Variants in TBC1D2B observed in about 807,000 individuals in gnomAD.
TBC1D2B encodes TBC1 domain family member 2B, also known as TBC1 domain family, member 2B.
TBC1D2B carries 64 observed loss-of-function variants against 100.8 expected under a neutral mutation model. That is an observed-to-expected ratio of 0.64 (90% CI 0.52 to 0.78). TBC1D2B has a LOEUF of 0.78. Among genes scored for constraint, TBC1D2B ranks in the 30% least tolerant of loss-of-function variants. The probability of loss-of-function intolerance (pLI) is 0.00; values close to 1 mark genes in which losing one functional copy is unlikely to be tolerated. For missense variants in TBC1D2B, 1,052 were observed against 1,218.4 expected (o/e 0.86, Z 2.03); for synonymous variants, 480 against 479.7 (o/e 1.00, Z -0.01).
intron 2 of TBC1D2B, among the ~76,000 whole-genome samples, chr15:78,045,609 G>T (rs1006254957): frequency 3.3e-5 from 5 of 152,224 alleles, no homozygotes; most frequent in African/African-American, 1.2e-4. Context: ...CAAACATACT[G>T]ATGCTAAAGC....
intron 3 of TBC1D2B, among the ~76,000 whole-genome samples, chr15:78,039,551 C>A (rs372606643): frequency 6.6e-6 from 1 of 152,122 alleles, no homozygotes; most frequent in Non-Finnish European, 1.5e-5. Context: ...GAGAAAGGCA[C>A]CCCATCCACC....
rs756977980 is a variant in TBC1D2B, at chr15:78,018,259, T to G, written c.1471-302A>C. ...TAAATATGACATATTCCTAAATCTA[T>G]GCAAATATTTTATCTATCCATATTC... On this transcript the variant is annotated intron_variant, in intron 6 of 12. Coordinates refer to ENST00000300584, the MANE Select transcript of TBC1D2B (RefSeq NM_144572.2). Among the ~76,000 whole-genome samples the G allele has an allele frequency of 4.1e-4, 63 of 152,346 alleles. 1 individual carries two copies. The highest frequency in any genetic ancestry group is 7.9e-4 in the Non-Finnish European group (54 of 68,036).
intron 1 of TBC1D2B, among the ~76,000 whole-genome samples, chr15:78,055,360 T>C (rs1596326721): frequency 6.6e-6 from 1 of 150,788 alleles, no homozygotes; most frequent in East Asian, 1.9e-4. Flanking sequence ...ACAATGAACC[T>C]AAATATAAAT....
intron 3 of TBC1D2B, among the ~76,000 whole-genome samples, chr15:78,035,187 G>A (rs1158915421): frequency 6.6e-6 from 1 of 152,212 alleles, no homozygotes; most frequent in Non-Finnish European, 1.5e-5. Flanking sequence ...CACCTTGTCA[G>A]GGGCAGTGGT....
At chr15:78,019,647 G>C (rs1402201339) in intron 6 of TBC1D2B, among the ~76,000 whole-genome samples, 2 of 151,882 alleles carry the variant, frequency 1.3e-5, no homozygotes, top group African/African-American at 4.8e-5. Context: ...CAGCACTTTG[G>C]GAGGCCAAGG....
chr15:78,007,428 C>T (rs1465145638), intron 10 of TBC1D2B, among the ~76,000 whole-genome samples: 1 of 152,092 alleles, frequency 6.6e-6, no homozygotes, highest in Admixed American at 6.5e-5. Flanking sequence ...TCCAGGCAGG[C>T]GGCAGCACTA....
chr15:78,061,353 G>T (rs189396438), intron 1 of TBC1D2B, among the ~76,000 whole-genome samples: 1 of 151,866 alleles, frequency 6.6e-6, no homozygotes, highest in Non-Finnish European at 1.5e-5. Flanking sequence ...CAGGCAGATC[G>T]CTTGAACCGA....
chr15:78,059,459 A>G (rs546578925), intron 1 of TBC1D2B, among the ~76,000 whole-genome samples: 3 of 152,326 alleles, frequency 2.0e-5, no homozygotes, highest in Non-Finnish European at 2.9e-5. Context: ...ACATGGCTGC[A>G]TGAACGTCCT....
At position 77,999,052 on chromosome 15, in the gene TBC1D2B, T is replaced by C; in HGVS notation, c.2697-697A>G. ...CAAAAGCTGTCCTGAGGCCTGGCTATGGATTTGTAGCACTAATGGGTCAGC... is the reference window on the plus strand; with the variant it reads ...CAAAAGCTGTCCTGAGGCCTGGCTACGGATTTGTAGCACTAATGGGTCAGC... On this transcript the variant is annotated intron_variant, in intron 12 of 12. Coordinates refer to ENST00000300584, the MANE Select transcript of TBC1D2B (RefSeq NM_144572.2). The C allele has an allele frequency of 1.2e-5, 3 of 249,008 alleles. No individual in the cohort carries two copies. The South Asian group carries it at 1.2e-4, about 10-fold the overall frequency. The allele number at this position is 249,008 out of a possible 1,614,324, so 15.4% of individuals were successfully genotyped here. A position where few individuals can be genotyped will look rare whatever the true frequency, so the allele number is the denominator to read the frequency against.
intron 6 of TBC1D2B, 124 bp from the exon 7 acceptor site, chr15:78,018,081 T>C (rs950692889): frequency 1.9e-6 from 1 of 532,950 alleles, no homozygotes; most frequent in Non-Finnish European, 3.2e-6. Flanking sequence ...GAGTAAGTTC[T>C]AAAGAACTAG....
chr15:78,067,868 G>A (rs1478360708), intron 1 of TBC1D2B, among the ~76,000 whole-genome samples: 2 of 152,238 alleles, frequency 1.3e-5, no homozygotes, highest in Non-Finnish European at 2.9e-5. Context: ...CTAAGTCTTT[G>A]AGCAGCTACA....
rs762604929 is a variant in TBC1D2B, at chr15:77,998,368, A to G, written c.2697-13T>C. ...ACTGATCAGCTTCCTGGCAGGACGCAGGGGAGAGACAAGAGAATCAGCGGC... is the reference window on the plus strand; with the variant it reads ...ACTGATCAGCTTCCTGGCAGGACGCGGGGGAGAGACAAGAGAATCAGCGGC... On this transcript the variant is annotated splice_polypyrimidine_tract_variant and intron_variant, in intron 12 of 12. Transcript: ENST00000300584. The G allele has an allele frequency of 2.6e-5, 40 of 1,558,428 alleles. No individual in the cohort carries two copies. Among genetic ancestry groups the G allele is most frequent in the Non-Finnish European group, 3.5e-5 (40 of 1,151,278 alleles).
intron 3 of TBC1D2B, among the ~76,000 whole-genome samples, chr15:78,041,972 C>G (rs1310665080): frequency 6.6e-6 from 1 of 152,188 alleles, no homozygotes; most frequent in Non-Finnish European, 1.5e-5. Flanking sequence ...AACGGAGGCA[C>G]AGAATATTAA....
Position 78,054,089 on chromosome 15 carries a change from C to T in TBC1D2B, c.459G>A (p.Arg153=). The change falls in exon 2 of 13, where the codon AGG becomes AGA. Residue 153 remains arginine, a synonymous_variant. Transcript: ENST00000300584. ...NSLDMVKWDS[R]TSPTPGDFPK... ...GAAAATCCCCGGGAGTTGGAGAGGTCCTGCTGTCCCACTTGACCATGTCAA... is the reference window on the plus strand; with the variant it reads ...GAAAATCCCCGGGAGTTGGAGAGGTTCTGCTGTCCCACTTGACCATGTCAA... 1 of 1,613,858 alleles carries T rather than the reference C, an allele frequency of 6.2e-7. No individual in the cohort carries two copies. Among genetic ancestry groups the T allele is most frequent in the Non-Finnish European group, 8.5e-7 (1 of 1,179,832 alleles).
At chr15:78,065,270 A>C (rs902116886) in intron 1 of TBC1D2B, among the ~76,000 whole-genome samples, 1 of 152,252 alleles carries the variant, frequency 6.6e-6, no homozygotes, top group African/African-American at 2.4e-5. Flanking sequence ...AACTAAGGGT[A>C]ATGGACTAGA....
At chr15:78,074,589 G>C (rs2073797992) in intron 1 of TBC1D2B, among the ~76,000 whole-genome samples, 1 of 152,126 alleles carries the variant, frequency 6.6e-6, no homozygotes, top group Non-Finnish European at 1.5e-5. Flanking sequence ...AACAGGAGAA[G>C]CCCTGAGGCA....
At chr15:78,003,593 G>A in intron 10 of TBC1D2B, 103 bp from the exon 11 acceptor site, 1 of 804,426 alleles carries the variant, frequency 1.2e-6, no homozygotes, top group Non-Finnish European at 2.0e-6. Flanking sequence ...GAGCCCAAGT[G>A]ACAGCAGCAC....
intron 4 of TBC1D2B, among the ~76,000 whole-genome samples, chr15:78,026,778 G>GT (rs1567021048): frequency 6.6e-6 from 1 of 151,874 alleles, no homozygotes; most frequent in Non-Finnish European, 1.5e-5. Context: ...GTGCATGCCT[G>GT]TAATCCCAGC....
At chr15:78,070,704 CTG>C in intron 1 of TBC1D2B, among the ~76,000 whole-genome samples, 1 of 152,336 alleles carries the variant, frequency 6.6e-6, no homozygotes, top group East Asian at 1.9e-4. Flanking sequence ...GTCACCCAGG[CTG>C]GAGTACAGTG....
Sources: allele counts gnomAD v4.1 joint callset (sites outside exome capture counted in the v4.1 genomes callset), GRCh38; gene constraint gnomAD v4.1.1; transcripts MANE v1.5; gene names NCBI Gene and HGNC (gene_info 2026-07-23, HGNC 2026-07-21).